DCDC1: variants seen among roughly 807,000 people sequenced by gnomAD.
The protein encoded by DCDC1 is doublecortin domain-containing protein 1.
A neutral mutation model predicts 178.3 loss-of-function variants in DCDC1; 200 were observed. The ratio of observed to expected loss-of-function variants is 1.12; its 90% CI spans 1.00 to 1.26. DCDC1 has a LOEUF of 1.26. Among genes scored for constraint, DCDC1 ranks in the 50% most tolerant of loss-of-function variants. The probability of loss-of-function intolerance (pLI) is 0.00; values close to 1 mark genes in which losing one functional copy is unlikely to be tolerated. For missense variants in DCDC1, 1,983 were observed against 1,749.2 expected, an observed-to-expected ratio of 1.13 and a Z score of -2.38; for synonymous variants, 690 against 604.8, an observed-to-expected ratio of 1.14 and a Z score of -2.07.
chr11:31,255,223 GC>G (rs1944332684), intron 8 of DCDC1, among the ~76,000 whole-genome samples: 1 of 152,046 alleles, frequency 6.6e-6, no homozygotes, highest in African/African-American at 2.4e-5. Context: ...TGAACATTTG[GC>G]TTTTGGCTAT....
intron 2 of DCDC1, among the ~76,000 whole-genome samples, chr11:31,334,496 G>A (rs1950170727): frequency 2.0e-5 from 3 of 152,194 alleles, no homozygotes; most frequent in African/African-American, 7.2e-5. Flanking sequence ...TTCTGCTCTA[G>A]TTTCCCTCCA....
At chr11:31,150,744 CT>C (rs200868810) in intron 9 of DCDC1, among the ~76,000 whole-genome samples, 1 of 99,872 alleles carries the variant, frequency 1.0e-5, no homozygotes, top group Non-Finnish European at 2.4e-5. Context: ...AACATAATTG[CT>C]TTTTCCCTTA....
intron 18 of DCDC1, among the ~76,000 whole-genome samples, chr11:31,067,208 G>A (rs753145249): frequency 1.3e-5 from 2 of 152,056 alleles, no homozygotes; most frequent in Non-Finnish European, 2.9e-5. Flanking sequence ...GATAAGGGAT[G>A]TGTATCTGGA....
At chr11:31,295,267 CTCTT>C (rs1371984605) in intron 6 of DCDC1, among the ~76,000 whole-genome samples, 1 of 151,948 alleles carries the variant, frequency 6.6e-6, no homozygotes. Flanking sequence ...TTTTTTATAG[CTCTT>C]TTTTTCTGAG....
At chr11:31,254,342 AC>A (rs776867246) in intron 8 of DCDC1, among the ~76,000 whole-genome samples, 18 of 152,182 alleles carry the variant, frequency 1.2e-4, no homozygotes, top group South Asian at 4.1e-4. Context: ...GAGCAAGATC[AC>A]ATAGTGAAGT....
At chr11:30,971,915 A>G (rs973470530) in intron 20 of DCDC1, among the ~76,000 whole-genome samples, 4 of 152,152 alleles carry the variant, frequency 2.6e-5, no homozygotes, top group Admixed American at 2.0e-4. Context: ...GGCCAAAAAC[A>G]GGCTTTTTGA....
intron 3 of DCDC1, among the ~76,000 whole-genome samples, chr11:31,325,211 G>GGATA (rs1208611718): frequency 6.6e-6 from 1 of 152,076 alleles, no homozygotes; most frequent in African/African-American, 2.4e-5. Flanking sequence ...TTGGAGTGCT[G>GGATA]GATATGAATA....
intron 11 of DCDC1, among the ~76,000 whole-genome samples, chr11:31,112,090 A>G (rs992665913): frequency 6.6e-6 from 1 of 152,290 alleles, no homozygotes; most frequent in Admixed American, 6.5e-5. Context: ...GTGGTTATAT[A>G]AAAGTTTAGA....
intron 28 of DCDC1, among the ~76,000 whole-genome samples, chr11:30,910,389 T>C (rs891115490): frequency 3.9e-5 from 6 of 152,208 alleles, no homozygotes; most frequent in Non-Finnish European, 8.8e-5. Flanking sequence ...TTATATGTAC[T>C]CTATCTCCTA....
At chr11:31,090,832 A>C (rs1214324743) in intron 17 of DCDC1, among the ~76,000 whole-genome samples, 4 of 152,198 alleles carry the variant, frequency 2.6e-5, no homozygotes, top group Non-Finnish European at 4.4e-5. Context: ...ACATCAAAAC[A>C]AAAGACCAAG....
chr11:30,968,711 T>TTATATA (rs71451193), intron 20 of DCDC1, among the ~76,000 whole-genome samples: 871 of 61,038 alleles, frequency 0.014, 99 homozygotes, highest in South Asian at 0.043. Flanking sequence ...ATATATCAAA[T>TTATATA]TATATATATA....
At chr11:31,049,287 G>A (rs2135400621) in intron 20 of DCDC1, among the ~76,000 whole-genome samples, 1 of 152,228 alleles carries the variant, frequency 6.6e-6, no homozygotes, top group African/African-American at 2.4e-5. Flanking sequence ...CAATAAATTT[G>A]CCCAACCCAA....
chr11:31,250,405 CACACACACACATAT>C (rs1943903080), intron 8 of DCDC1, among the ~76,000 whole-genome samples: 1 of 101,838 alleles, frequency 9.8e-6, no homozygotes. Context: ...CACACACACA[CACACACACACATAT>C]ACATATATAT....
intron 26 of DCDC1, 96 bp from the exon 27 acceptor site, chr11:30,915,807 G>A (rs1430875186): frequency 7.9e-7 from 1 of 1,260,156 alleles, no homozygotes; most frequent in Non-Finnish European, 1.1e-6. Context: ...GTTGGTGAGA[G>A]CTCCAACGTG....
At chr11:31,081,498 TAC>T (rs921532508) in intron 17 of DCDC1, among the ~76,000 whole-genome samples, 3 of 151,914 alleles carry the variant, frequency 2.0e-5, no homozygotes, top group Non-Finnish European at 4.4e-5. Context: ...CAATCCCAGC[TAC>T]TCGGGAGGCT....
chr11:31,037,603 T>C (rs1487999876), intron 20 of DCDC1, among the ~76,000 whole-genome samples: 3 of 151,900 alleles, frequency 2.0e-5, no homozygotes, highest in Admixed American at 1.3e-4. Flanking sequence ...TTTGTATTTT[T>C]ACAAAATACA....
intron 9 of DCDC1, among the ~76,000 whole-genome samples, chr11:31,220,781 C>G (rs940582736): frequency 6.6e-6 from 1 of 152,154 alleles, no homozygotes; most frequent in Admixed American, 6.6e-5. Flanking sequence ...GCTTAAACAA[C>G]AGCAATTTAT....
At chr11:31,165,535 T>A (rs1266409221) in intron 9 of DCDC1, among the ~76,000 whole-genome samples, 1 of 152,220 alleles carries the variant, frequency 6.6e-6, no homozygotes, top group African/African-American at 2.4e-5. Flanking sequence ...GATCTTGAAC[T>A]CCTAGCCTCA....
At chr11:31,030,269 A>G (rs1489736105) in intron 20 of DCDC1, among the ~76,000 whole-genome samples, 1 of 152,172 alleles carries the variant, frequency 6.6e-6, no homozygotes, top group Non-Finnish European at 1.5e-5. Flanking sequence ...AGTATAATAG[A>G]AACACCATTA....
Sources: allele counts gnomAD v4.1 joint callset (sites outside exome capture counted in the v4.1 genomes callset), GRCh38; gene constraint gnomAD v4.1.1; transcripts MANE v1.5; gene names NCBI Gene and HGNC (gene_info 2026-07-23, HGNC 2026-07-21).